Variants in ANKRD55 observed in about 807,000 individuals in gnomAD.
ANKRD55 encodes ankyrin repeat domain 55.
A neutral mutation model predicts 60.6 loss-of-function variants in ANKRD55; 41 were observed. The observed-to-expected ratio is 0.68, with a 90% CI of 0.53 to 0.88. ANKRD55 has a LOEUF of 0.88. Ranked by LOEUF, ANKRD55 falls within the 40% of genes least tolerant of loss-of-function variation. The pLI, the probability that ANKRD55 is intolerant of heterozygous loss-of-function variation, is 0.00. For missense variants in ANKRD55, 732 were observed against 767.6 expected, an observed-to-expected ratio of 0.95 and a Z score of 0.55; for synonymous variants, 264 against 290.3, an observed-to-expected ratio of 0.91 and a Z score of 0.92.
chr5:56,202,494 G>T (rs1759402461), intron 2 of ANKRD55, among the ~76,000 whole-genome samples: 1 of 152,090 alleles, frequency 6.6e-6, no homozygotes, highest in Non-Finnish European at 1.5e-5. Context: ...AGTCCCTCAG[G>T]GTGTATTTCC....
chr5:56,187,793 T>C (rs1182036619), intron 2 of ANKRD55, among the ~76,000 whole-genome samples: 1 of 152,220 alleles, frequency 6.6e-6, no homozygotes, highest in African/African-American at 2.4e-5. Flanking sequence ...ACTCACTGCA[T>C]GGCCCAAGAT....
chr5:56,228,800 C>G (rs547712146), intron 2 of ANKRD55, among the ~76,000 whole-genome samples: 2 of 152,204 alleles, frequency 1.3e-5, no homozygotes, highest in East Asian at 3.9e-4. Context: ...TTTAAGCTAC[C>G]CAGCTTGTGA....
intron 7 of ANKRD55, among the ~76,000 whole-genome samples, chr5:56,127,897 C>T (rs1268238162): frequency 6.6e-6 from 1 of 152,168 alleles, no homozygotes; most frequent in Non-Finnish European, 1.5e-5. Context: ...TTTCCTTTGT[C>T]TAACAATGAT....
intron 9 of ANKRD55, among the ~76,000 whole-genome samples, chr5:56,114,481 A>G (rs1342083285): frequency 6.6e-6 from 1 of 152,254 alleles, no homozygotes; most frequent in Non-Finnish European, 1.5e-5. Flanking sequence ...TGTAAGCTTG[A>G]CACCATCTCA....
intron 10 of ANKRD55, among the ~76,000 whole-genome samples, chr5:56,110,387 T>G (rs936122674): frequency 6.6e-6 from 1 of 152,178 alleles, no homozygotes; most frequent in African/African-American, 2.4e-5. Flanking sequence ...TGACAGAGTG[T>G]GACCTTGTCT....
chr5:56,100,745 C>G (rs1301764433), intron 11 of ANKRD55, among the ~76,000 whole-genome samples: 2 of 152,182 alleles, frequency 1.3e-5, no homozygotes, highest in Non-Finnish European at 2.9e-5. Flanking sequence ...CTAAGTTGAT[C>G]AAAGATCTTT....
intron 2 of ANKRD55, among the ~76,000 whole-genome samples, chr5:56,223,091 G>A (rs1760011609): frequency 6.6e-6 from 1 of 152,158 alleles, no homozygotes; most frequent in South Asian, 2.1e-4. Flanking sequence ...AAATGTTAAG[G>A]GCAGCCAGAG....
At chr5:56,227,254 C>A (rs754490696) in intron 2 of ANKRD55, among the ~76,000 whole-genome samples, 2 of 150,182 alleles carry the variant, frequency 1.3e-5, no homozygotes, top group Non-Finnish European at 2.9e-5. Context: ...AACCAAACAC[C>A]ACATGTTCTC....
intron 2 of ANKRD55, among the ~76,000 whole-genome samples, chr5:56,210,689 T>TA (rs1053330823): frequency 1.6e-4 from 25 of 152,194 alleles, no homozygotes; most frequent in African/African-American, 5.3e-4. Context: ...GTTTTGTTGG[T>TA]AAAAAAATAT....
At chr5:56,100,920 C>T (rs1451473185) in intron 11 of ANKRD55, among the ~76,000 whole-genome samples, 4 of 152,112 alleles carry the variant, frequency 2.6e-5, no homozygotes, top group Admixed American at 6.5e-5. Context: ...AAGACAGGTT[C>T]GGGCTTGAAT....
At chr5:56,154,584 G>GTTTTTTTTTTTTTTTTTTTTTTTTATTTT (rs368083555) in intron 6 of ANKRD55, among the ~76,000 whole-genome samples, 1 of 134,774 alleles carries the variant, frequency 7.4e-6, no homozygotes, top group Non-Finnish European at 1.5e-5. Context: ...TAGTTTTAAA[G>GTTTTTTTTTTTTTTTTTTTTTTTTATTTT]TTTTTTTTTT....
At chr5:56,199,110 A>C (rs80316746) in intron 2 of ANKRD55, among the ~76,000 whole-genome samples, 1 of 150,516 alleles carries the variant, frequency 6.6e-6, no homozygotes, top group Non-Finnish European at 1.5e-5. Context: ...CAAACCCAAA[A>C]AAACCCAAAC....
chr5:56,117,642 C>T (rs1022182880), intron 8 of ANKRD55, among the ~76,000 whole-genome samples: 5 of 152,078 alleles, frequency 3.3e-5, no homozygotes, highest in African/African-American at 9.6e-5. Flanking sequence ...TTAGTAGAGA[C>T]GGGGTTTCAC....
At chr5:56,195,578 GGATTACA>G (rs1308888516) in intron 2 of ANKRD55, among the ~76,000 whole-genome samples, 3 of 152,100 alleles carry the variant, frequency 2.0e-5, no homozygotes, top group African/African-American at 4.8e-5. Context: ...CGAGTAGCTG[GGATTACA>G]GGCGTGTGCC....
At chr5:56,221,434 G>C (rs1759963790) in intron 2 of ANKRD55, among the ~76,000 whole-genome samples, 1 of 152,198 alleles carries the variant, frequency 6.6e-6, no homozygotes, top group African/African-American at 2.4e-5. Flanking sequence ...CAAAAGACAG[G>C]TGATTTCTGC....
At chr5:56,208,632 C>A (rs369334578) in intron 2 of ANKRD55, among the ~76,000 whole-genome samples, 7 of 152,244 alleles carry the variant, frequency 4.6e-5, no homozygotes, top group African/African-American at 1.2e-4. Flanking sequence ...CCATGTTGGC[C>A]AGTCCGGTCT....
At chr5:56,135,259 C>CTTCCTTCCTTCCTTCA (rs1561263762) in intron 7 of ANKRD55, among the ~76,000 whole-genome samples, 1 of 123,574 alleles carries the variant, frequency 8.1e-6, no homozygotes, top group East Asian at 2.2e-4. Context: ...TCCTTCCTTC[C>CTTCCTTCCTTCCTTCA]TTCTTTCCCT....
chr5:56,114,458 C>T (rs1756830052), intron 9 of ANKRD55, among the ~76,000 whole-genome samples: 1 of 152,152 alleles, frequency 6.6e-6, no homozygotes, highest in Non-Finnish European at 1.5e-5. Context: ...TTTTGGAAAA[C>T]TTATATTCAC....
At chr5:56,145,525 A>G (rs902065842) in intron 6 of ANKRD55, among the ~76,000 whole-genome samples, 1 of 152,270 alleles carries the variant, frequency 6.6e-6, no homozygotes, top group Non-Finnish European at 1.5e-5. Flanking sequence ...GCACTGGATT[A>G]TGATATGAGC....
Sources: allele counts gnomAD v4.1 joint callset (sites outside exome capture counted in the v4.1 genomes callset), GRCh38; gene constraint gnomAD v4.1.1; transcripts MANE v1.5; gene names NCBI Gene and HGNC (gene_info 2026-07-23, HGNC 2026-07-21).